Variants in RALGAPA1 observed in about 807,000 individuals in gnomAD.
The protein encoded by RALGAPA1 is ral GTPase-activating protein subunit alpha-1.
RALGAPA1 carries 52 observed loss-of-function variants against 269.6 expected under a neutral mutation model. The observed-to-expected ratio is 0.19, with a 90% CI of 0.15 to 0.24. RALGAPA1 has a LOEUF of 0.24. Ranked by LOEUF, RALGAPA1 falls within the 10% of genes least tolerant of loss-of-function variation. The probability of loss-of-function intolerance (pLI) is 1.00; values close to 1 mark genes in which losing one functional copy is unlikely to be tolerated. For missense variants in RALGAPA1, 1,917 were observed against 3,013.9 expected, an observed-to-expected ratio of 0.64 and a Z score of 8.52; for synonymous variants, 817 against 1,008.3, an observed-to-expected ratio of 0.81 and a Z score of 3.60.
intron 35 of RALGAPA1, among the ~76,000 whole-genome samples, chr14:35,608,933 A>G (rs1868699841): frequency 6.6e-6 from 1 of 152,252 alleles, no homozygotes; most frequent in African/African-American, 2.4e-5. Flanking sequence ...GATAGACCAT[A>G]AAACAAGCCT....
chr14:35,651,582 G>T (rs1325371670), intron 31 of RALGAPA1, among the ~76,000 whole-genome samples: 1 of 152,086 alleles, frequency 6.6e-6, no homozygotes, highest in Non-Finnish European at 1.5e-5. Context: ...GTCCTCTAAG[G>T]TTCCTTACAA....
intron 1 of RALGAPA1, among the ~76,000 whole-genome samples, chr14:35,801,011 C>T (rs2076927195): frequency 6.6e-6 from 1 of 150,724 alleles, no homozygotes; most frequent in Non-Finnish European, 1.5e-5. Flanking sequence ...CTCCTGCGTC[C>T]CGCCTCCAAA....
At position 35,725,020 on chromosome 14, in the gene RALGAPA1, T is replaced by C. The variant is rs2069762903; in HGVS notation, c.1866+4A>G. ...CTATTCATCTATTTATTTATTTTTA[T>C]TGCCTGGAAAAGTGGTCCTGCAAGT... On this transcript the variant is annotated splice_donor_region_variant and intron_variant, in intron 14 of 41. Transcript: ENST00000680220. 2.5e-6 allele frequency: 4 copies of C among 1,588,172 alleles called. No homozygotes were observed. Among genetic ancestry groups the C allele is most frequent in the Non-Finnish European group, 3.4e-6 (4 of 1,169,354 alleles).
In RALGAPA1 at chr14:35,642,485, T is replaced by A. The variant is rs74748507; in HGVS notation, c.5677-6887A>T. Reference sequence around the variant, plus strand: ...CATAAAAAAGGAAAACAAGTTAATATGTTCATATGACTATATGAAAACAAG... The same window carrying A: ...CATAAAAAAGGAAAACAAGTTAATAAGTTCATATGACTATATGAAAACAAG... On this transcript the variant is annotated intron_variant, in intron 31 of 41. Coordinates refer to ENST00000680220, the MANE Select transcript of RALGAPA1 (RefSeq NM_001346249.2). 9.2e-3 allele frequency among the ~76,000 whole-genome samples: 1,408 copies of A among 152,246 alleles called. 28 individuals are homozygous for A. The highest frequency in any genetic ancestry group is 0.032 in the African/African-American group (1,344 of 41,552).
intron 35 of RALGAPA1, among the ~76,000 whole-genome samples, chr14:35,611,571 A>G (rs549278756): frequency 1.3e-5 from 2 of 152,054 alleles, no homozygotes; most frequent in Non-Finnish European, 2.9e-5. Flanking sequence ...GTCTCTACAA[A>G]AAAAAAAAAT....
intron 12 of RALGAPA1, among the ~76,000 whole-genome samples, chr14:35,736,489 C>T (rs2071004784): frequency 1.3e-5 from 2 of 151,994 alleles, no homozygotes; most frequent in African/African-American, 4.8e-5. Flanking sequence ...CTGGGCACTT[C>T]AACATGAAAA....
intron 3 of RALGAPA1, among the ~76,000 whole-genome samples, chr14:35,771,654 A>G (rs953266748): frequency 6.6e-6 from 1 of 152,170 alleles, no homozygotes; most frequent in Admixed American, 6.6e-5. Context: ...TACTATTTCT[A>G]GATTTTCTTT....
At chr14:35,742,730 A>G (rs1226315268) in intron 10 of RALGAPA1, among the ~76,000 whole-genome samples, 165 bp from the exon 11 acceptor site, 1 of 151,932 alleles carries the variant, frequency 6.6e-6, no homozygotes, top group Admixed American at 6.6e-5. Context: ...AATTGATATA[A>G]ATAAGAGTTA....
chr14:35,625,363 C>T lies in RALGAPA1; in HGVS notation c.6927G>A (p.Gln2309=). The change falls in exon 35 of 42, where the codon CAG becomes CAA. Residue 2309 remains glutamine, a splice_region_variant and synonymous_variant. Coordinates refer to ENST00000680220, the MANE Select transcript of RALGAPA1 (RefSeq NM_001346249.2). The part of the protein sequence containing the change: ...LRELRNLDSR[Q]CRETHKIAVF... ...GTGAAGATTTTCCAACAACTTACCA[C>T]TGCCTTGAATCCAAGTTCCTAAGTT... 6.2e-7 allele frequency: 1 copy of T among 1,608,564 alleles called. No individual in the cohort carries two copies. The highest frequency in any genetic ancestry group is 8.5e-7 in the Non-Finnish European group (1 of 1,177,720).
At chr14:35,784,156 T>C (rs1399272911) in intron 1 of RALGAPA1, among the ~76,000 whole-genome samples, 1 of 148,704 alleles carries the variant, frequency 6.7e-6, no homozygotes, top group Non-Finnish European at 1.5e-5. Flanking sequence ...AGAAAGAAAA[T>C]GTATGCCCAC....
intron 10 of RALGAPA1, chr14:35,748,378 CT>C (rs35805261): frequency 0.31 from 78,684 of 252,656 alleles, 6,794 homozygotes; most frequent in East Asian, 0.47. Flanking sequence ...CTCTCTCGCT[CT>C]TTTTTTTTTT....
Position 35,689,941 on chromosome 14 carries a change from C to G in RALGAPA1, c.2470G>C (p.Glu824Gln). 1 of 1,601,886 alleles carries G rather than the reference C, an allele frequency of 6.2e-7. No homozygotes were observed. Among genetic ancestry groups the G allele is most frequent in the Non-Finnish European group, 8.5e-7 (1 of 1,176,042 alleles). ...GCACCAAAAACTTCATTTCCAGTTT[C>G]TTCACTTTGTGAAAAATGTCTGACT... The part of the protein sequence containing the change: ...TRVRHFSQSE[E>Q]TGNEVFGALN... Residue 824 changes from glutamate (E) to glutamine (Q), a missense_variant, in exon 18 of 42, where the codon GAA (glutamate) becomes CAA (glutamine). This residue lies in a region of RALGAPA1 where 125 missense variants were observed against 155.7 expected (regional missense o/e 0.80). Transcript: ENST00000680220.
At chr14:35,601,772 A>T (rs1765317952) in intron 36 of RALGAPA1, among the ~76,000 whole-genome samples, 1 of 152,036 alleles carries the variant, frequency 6.6e-6, no homozygotes, top group African/African-American at 2.4e-5. Context: ...TTTATATGTA[A>T]TGTCTTATGC....
rs1443956077 is a variant in RALGAPA1 at position 35,572,725 on chromosome 14, A to G, written c.7210-7T>C. On this transcript the variant is annotated splice_polypyrimidine_tract_variant and splice_region_variant and intron_variant, in intron 37 of 41. Coordinates refer to ENST00000680220, the MANE Select transcript of RALGAPA1 (RefSeq NM_001346249.2). Reference sequence around the variant, plus strand: ...CATTTCCCAAATGTCTCAACTGGAAAGACAAGAAAACAATTTATACTGCTT... The same window carrying G: ...CATTTCCCAAATGTCTCAACTGGAAGGACAAGAAAACAATTTATACTGCTT... The G allele has an allele frequency of 6.3e-7, 1 of 1,592,964 alleles. No individual in the cohort carries two copies.
At chr14:35,658,941 G>A (rs2063368740) in intron 28 of RALGAPA1, among the ~76,000 whole-genome samples, 197 bp downstream of exon 28, 1 of 151,880 alleles carries the variant, frequency 6.6e-6, no homozygotes, top group African/African-American at 2.4e-5. Flanking sequence ...AGGTGACTAG[G>A]ATTCTGTTTA....
At chr14:35,733,895 C>A (rs2070734349) in intron 12 of RALGAPA1, among the ~76,000 whole-genome samples, 1 of 151,972 alleles carries the variant, frequency 6.6e-6, no homozygotes, top group South Asian at 2.1e-4. Context: ...CCAACAGCAA[C>A]CAAGCAGAGA....
At chr14:35,740,542 C>G (rs919936553) in intron 11 of RALGAPA1, among the ~76,000 whole-genome samples, 9 of 152,184 alleles carry the variant, frequency 5.9e-5, no homozygotes, top group Non-Finnish European at 1.2e-4. Flanking sequence ...GCTGTGGCTC[C>G]CGCCTGTCAT....
chr14:35,737,794 A>AAAAAAAT (rs2071157857), intron 12 of RALGAPA1, among the ~76,000 whole-genome samples: 1 of 137,122 alleles, frequency 7.3e-6, no homozygotes. Context: ...AAAAAAAAAA[A>AAAAAAAT]GAATGTTCAC....
intron 26 of RALGAPA1, 43 bp from the exon 27 acceptor site, chr14:35,664,810 T>C: frequency 3.2e-6 from 5 of 1,576,638 alleles, no homozygotes; most frequent in Non-Finnish European, 4.3e-6. Flanking sequence ...ATATTGGTGT[T>C]ATGAAATTAT....
Sources: gnomAD v4.1 joint callset for allele counts (sites outside exome capture counted in the v4.1 genomes callset) on GRCh38, gnomAD v4.1.1 for gene constraint, gnomAD v4.1.1 regional missense constraint, MANE v1.5 for transcripts, NCBI Gene and HGNC (gene_info 2026-07-23, HGNC 2026-07-21) for gene names.